Variants in AKAP19 observed in about 807,000 individuals in gnomAD.
AKAP19 encodes A-kinase anchoring protein 19.
chr2:189,999,913 C>T, the AKAP19 span, among the ~76,000 whole-genome samples: 42 of 152,146 alleles, frequency 2.8e-4, no homozygotes, highest in African/African-American at 9.9e-4. Context: ...GAACTAGTCT[C>T]GTTATATTCC....
the AKAP19 span, among the ~76,000 whole-genome samples, chr2:189,949,837 G>A: frequency 6.6e-6 from 1 of 151,238 alleles, no homozygotes; most frequent in African/African-American, 2.4e-5. Context: ...TCACCATGTT[G>A]TCCAGGATGG....
chr2:189,963,376 T>C, the AKAP19 span, among the ~76,000 whole-genome samples: 3 of 151,902 alleles, frequency 2.0e-5, no homozygotes, highest in Non-Finnish European at 4.4e-5. Context: ...TTTGTATTTT[T>C]AGTAGAGACA....
chr2:190,060,392 G>T, the AKAP19 span: 1 of 1,610,796 alleles, frequency 6.2e-7, no homozygotes, highest in Non-Finnish European at 8.5e-7. Flanking sequence ...TAAATTTAAA[G>T]AAGCAACATT....
the AKAP19 span, among the ~76,000 whole-genome samples, chr2:189,956,364 T>A: frequency 6.7e-6 from 1 of 149,760 alleles, no homozygotes; most frequent in Non-Finnish European, 1.5e-5. Context: ...AGAGACGGGG[T>A]TTCACCGTTT....
At chr2:189,884,828 C>T in the AKAP19 span, among the ~76,000 whole-genome samples, 1 of 152,162 alleles carries the variant, frequency 6.6e-6, no homozygotes, top group Non-Finnish European at 1.5e-5. Flanking sequence ...TTCTGCATTT[C>T]CAGCAAGTTC....
At chr2:190,127,872 A>G in the AKAP19 span, among the ~76,000 whole-genome samples, 6 of 152,190 alleles carry the variant, frequency 3.9e-5, no homozygotes, top group African/African-American at 1.2e-4. Flanking sequence ...ATGTGGTTCA[A>G]GGAGGTTTTA....
At chr2:189,919,133 T>C in the AKAP19 span, among the ~76,000 whole-genome samples, 1 of 152,162 alleles carries the variant, frequency 6.6e-6, no homozygotes, top group African/African-American at 2.4e-5. Flanking sequence ...CCACTGAGGG[T>C]CCTGGGACAT....
the AKAP19 span, among the ~76,000 whole-genome samples, chr2:189,948,782 TCC>T: frequency 6.6e-6 from 1 of 152,232 alleles, no homozygotes; most frequent in Non-Finnish European, 1.5e-5. Context: ...GGTACTTTTT[TCC>T]TGTCATACAA....
chr2:189,914,751 T>A, the AKAP19 span, among the ~76,000 whole-genome samples: 1 of 152,140 alleles, frequency 6.6e-6, no homozygotes, highest in African/African-American at 2.4e-5. Context: ...ATTGTACTCT[T>A]AGTATATGAA....
At chr2:190,059,559 T>C in the AKAP19 span, among the ~76,000 whole-genome samples, 11 of 151,982 alleles carry the variant, frequency 7.2e-5, no homozygotes, top group Non-Finnish European at 1.3e-4. Context: ...TTTAATAAAG[T>C]ATAAGCCTAT....
chr2:190,066,078 G>C, the AKAP19 span, among the ~76,000 whole-genome samples: 2 of 152,208 alleles, frequency 1.3e-5, no homozygotes, highest in African/African-American at 4.8e-5. Flanking sequence ...CAGCTTGTTG[G>C]TTTTGTCTTA....
chr2:190,183,630 TTAAAAA>T, the AKAP19 span, among the ~76,000 whole-genome samples: 1 of 152,116 alleles, frequency 6.6e-6, no homozygotes, highest in African/African-American at 2.4e-5. Flanking sequence ...ATTTTGAATA[TTAAAAA>T]TAAAAACACT....
chr2:190,166,317 C>CT, the AKAP19 span, among the ~76,000 whole-genome samples: 3,422 of 65,276 alleles, frequency 0.052, 226 homozygotes, highest in African/African-American at 0.097. Flanking sequence ...AAAATCCACT[C>CT]TTTTTTTTTT....
the AKAP19 span, chr2:190,089,699 G>A: frequency 3.3e-5 from 5 of 152,080 alleles, no homozygotes; most frequent in Non-Finnish European, 7.4e-5. Flanking sequence ...AGAATTTGAG[G>A]ATCACTGTTG....
chr2:189,963,804 C>T, the AKAP19 span, among the ~76,000 whole-genome samples: 3 of 151,504 alleles, frequency 2.0e-5, no homozygotes, highest in East Asian at 5.8e-4. Flanking sequence ...TGCTCTGTCA[C>T]CCAGCCTAGA....
the AKAP19 span, among the ~76,000 whole-genome samples, chr2:189,981,770 G>A: frequency 6.6e-6 from 1 of 152,170 alleles, no homozygotes; most frequent in East Asian, 1.9e-4. Context: ...AGCTTAGTTT[G>A]GCAGGATATG....
chr2:190,062,388 G>C, the AKAP19 span: 9 of 1,613,332 alleles, frequency 5.6e-6, no homozygotes, highest in Non-Finnish European at 7.6e-6. Flanking sequence ...GCTGATGTTA[G>C]GAGCTGTTTC....
chr2:189,952,629 C>T, the AKAP19 span, among the ~76,000 whole-genome samples: 1 of 152,152 alleles, frequency 6.6e-6, no homozygotes, highest in South Asian at 2.1e-4. Context: ...ATCAACGTTT[C>T]AATATCTAAA....
chr2:189,897,233 A>T, the AKAP19 span, among the ~76,000 whole-genome samples: 1 of 152,278 alleles, frequency 6.6e-6, no homozygotes, highest in Admixed American at 6.5e-5. Flanking sequence ...TTTTACAATT[A>T]AAAAGCAAAT....
Sources: allele counts gnomAD v4.1 joint callset (sites outside exome capture counted in the v4.1 genomes callset), GRCh38; gene constraint gnomAD v4.1.1; transcripts MANE v1.5; gene names NCBI Gene and HGNC (gene_info 2026-07-23, HGNC 2026-07-21).